The following GNAT3 variants were observed in gnomAD, a reference collection of about 807,000 sequenced individuals.
GNAT3 encodes the protein G protein subunit alpha transducin 3, also known as guanine nucleotide-binding protein G(t) subunit alpha-3.
A neutral mutation model predicts 37.7 loss-of-function variants in GNAT3; 31 were observed. The ratio of observed to expected loss-of-function variants is 0.82; its 90% CI spans 0.62 to 1.11. The LOEUF (loss-of-function observed/expected upper bound fraction) is 1.11, where lower values mean the gene tolerates loss of function less well. Ranked by LOEUF, GNAT3 falls within the 50% of genes most tolerant of loss-of-function variation. The pLI is 0.00. For synonymous variants in GNAT3, 138 were observed against 139.8 expected, an observed-to-expected ratio of 0.99 and a Z score of 0.09; for missense variants, 437 against 412.5, an observed-to-expected ratio of 1.06 and a Z score of -0.51.
At chr7:80,472,519 G>GTA (rs1790237806) in intron 5 of GNAT3, among the ~76,000 whole-genome samples, 3 of 152,218 alleles carry the variant, frequency 2.0e-5, no homozygotes, top group East Asian at 3.9e-4. Context: ...AGCACTTTAG[G>GTA]CAAAGAGACT....
intron 3 of GNAT3, among the ~76,000 whole-genome samples, chr7:80,479,391 C>T (rs778224832): frequency 7.3e-5 from 11 of 151,108 alleles, no homozygotes; most frequent in Non-Finnish European, 1.0e-4. Context: ...TTTTAATCAT[C>T]GCCATGAATT....
chr7:80,489,625 T>C (rs1275858087), intron 2 of GNAT3, among the ~76,000 whole-genome samples: 1 of 152,146 alleles, frequency 6.6e-6, no homozygotes, highest in Non-Finnish European at 1.5e-5. Flanking sequence ...GCACAGCCTA[T>C]ATTTGTTATT....
chr7:80,469,448 T>A (rs963325898), intron 5 of GNAT3, among the ~76,000 whole-genome samples: 5 of 152,176 alleles, frequency 3.3e-5, no homozygotes, highest in Non-Finnish European at 7.4e-5. Context: ...TTGCTCTGCA[T>A]TTTCCACTTA....
chr7:80,459,879 G>T (rs1389793333), intron 7 of GNAT3, among the ~76,000 whole-genome samples: 1 of 152,278 alleles, frequency 6.6e-6, no homozygotes, highest in Non-Finnish European at 1.5e-5. Context: ...GGAGTTAATT[G>T]CTTGTGGAAA....
At chr7:80,486,400 C>A (rs375063126) in intron 3 of GNAT3, 1 of 151,364 alleles carries the variant, frequency 6.6e-6, no homozygotes, top group Non-Finnish European at 1.5e-5. Flanking sequence ...ATTTTCACTT[C>A]CCCTATATGT....
chr7:80,467,646 T>C (rs1790147584), intron 5 of GNAT3, among the ~76,000 whole-genome samples: 2 of 152,114 alleles, frequency 1.3e-5, no homozygotes, highest in South Asian at 4.1e-4. Flanking sequence ...GTGAAGTAAT[T>C]GCTTATATTT....
intron 5 of GNAT3, among the ~76,000 whole-genome samples, chr7:80,466,594 A>G (rs561192707): frequency 8.0e-4 from 121 of 152,100 alleles, no homozygotes; most frequent in Non-Finnish European, 1.5e-3. Context: ...AAGATATGGG[A>G]ACTCTAATTT....
intron 5 of GNAT3, among the ~76,000 whole-genome samples, chr7:80,467,033 T>C (rs1198243232): frequency 1.3e-5 from 2 of 152,168 alleles, no homozygotes; most frequent in Non-Finnish European, 2.9e-5. Flanking sequence ...TACCCATTTC[T>C]TTACCAAAAT....
chr7:80,503,967 A>C (rs1251465870), intron 1 of GNAT3, among the ~76,000 whole-genome samples: 11 of 152,226 alleles, frequency 7.2e-5, no homozygotes, highest in Non-Finnish European at 1.3e-4. Context: ...AGCAAGCTTC[A>C]ATGAAGAGAG....
rs1790833969 is a variant in GNAT3 at position 80,501,508 on chromosome 7, A to C, written c.119-6861T>G. On this transcript the variant is annotated intron_variant, in intron 1 of 7. Coordinates refer to ENST00000398291, the MANE Select transcript of GNAT3 (RefSeq NM_001102386.3). The stretch of plus-strand genomic sequence containing the variant: ...TTAATTCTAAATGTTATCTAATACT[A>C]TATACTCCATATTCAAATTTATCTG... Among the ~76,000 whole-genome samples, 3 of 151,986 alleles carry C rather than the reference A, an allele frequency of 2.0e-5. 1 individual carries two copies. Among genetic ancestry groups the C allele is most frequent in the Non-Finnish European group, 4.4e-5 (3 of 67,900 alleles).
At chr7:80,504,079 G>A (rs905901956) in intron 1 of GNAT3, among the ~76,000 whole-genome samples, 3 of 152,176 alleles carry the variant, frequency 2.0e-5, no homozygotes, top group African/African-American at 7.2e-5. Flanking sequence ...ACTTTGGGAG[G>A]CCGAGACAGG....
At chr7:80,499,616 T>C (rs1420186429) in intron 1 of GNAT3, among the ~76,000 whole-genome samples, 1 of 152,238 alleles carries the variant, frequency 6.6e-6, no homozygotes, top group Non-Finnish European at 1.5e-5. Context: ...AGGTAGACTG[T>C]TGGTATAAAA....
At chr7:80,496,595 A>G (rs1790721407) in intron 1 of GNAT3, among the ~76,000 whole-genome samples, 1 of 152,250 alleles carries the variant, frequency 6.6e-6, no homozygotes, top group Non-Finnish European at 1.5e-5. Context: ...ACTGCAAAGT[A>G]AATTTCACGT....
chr7:80,476,853 A>T (rs2116166681), intron 4 of GNAT3, among the ~76,000 whole-genome samples: 1 of 151,890 alleles, frequency 6.6e-6, no homozygotes, highest in Middle Eastern at 3.4e-3. Flanking sequence ...GACACCTAAG[A>T]GCAGAAAAAA....
chr7:80,463,508 A>G (rs1256599796), intron 5 of GNAT3, among the ~76,000 whole-genome samples: 3 of 151,934 alleles, frequency 2.0e-5, no homozygotes, highest in African/African-American at 7.2e-5. Context: ...TCAACTATGA[A>G]GTCTTAGCAT....
intron 1 of GNAT3, among the ~76,000 whole-genome samples, chr7:80,497,037 C>G (rs1042355329): frequency 2.6e-5 from 4 of 152,094 alleles, no homozygotes; most frequent in Non-Finnish European, 4.4e-5. Context: ...ACACACCTCT[C>G]CATGATTTTA....
intron 1 of GNAT3, among the ~76,000 whole-genome samples, chr7:80,501,870 T>C (rs891226147): frequency 1.3e-5 from 2 of 152,022 alleles, no homozygotes; most frequent in African/African-American, 4.8e-5. Flanking sequence ...ATTTCTGTGA[T>C]ACAGAAAAAA....
chr7:80,479,305 A>G (rs1340473551), intron 3 of GNAT3, among the ~76,000 whole-genome samples: 1 of 152,124 alleles, frequency 6.6e-6, no homozygotes, highest in East Asian at 1.9e-4. Context: ...TAGTCATACT[A>G]AGTTTGCAAA....
intron 1 of GNAT3, among the ~76,000 whole-genome samples, chr7:80,505,991 C>T (rs868042968): frequency 1.7e-4 from 26 of 152,102 alleles, no homozygotes; most frequent in African/African-American, 3.9e-4. Context: ...GGGTCTAATA[C>T]CTTAAACGGA....
Sources: gnomAD v4.1 joint callset for allele counts (sites outside exome capture counted in the v4.1 genomes callset) on GRCh38, gnomAD v4.1.1 for gene constraint, MANE v1.5 for transcripts, NCBI Gene and HGNC (gene_info 2026-07-23, HGNC 2026-07-21) for gene names.